Variants in KCNMA1 observed in about 807,000 individuals in gnomAD.
KCNMA1 encodes Calcium-activated potassium channel subunit alpha-1.
In KCNMA1, 29 loss-of-function variants were observed where a neutral mutation model predicts 140.0. The observed-to-expected ratio is 0.21, with a 90% CI of 0.15 to 0.28. KCNMA1 has a LOEUF of 0.28. KCNMA1 is among the 10% of genes least tolerant of loss of function. The pLI is 1.00. For synonymous variants in KCNMA1, 612 were observed against 611.9 expected (o/e 1.00, Z 0.00); for missense variants, 880 against 1,602.2 (o/e 0.55, Z 7.70).
At chr10:77,229,560 A>C (rs1480494031) in intron 3 of KCNMA1, among the ~76,000 whole-genome samples, 1 of 152,156 alleles carries the variant, frequency 6.6e-6, no homozygotes, top group Non-Finnish European at 1.5e-5. Flanking sequence ...GGATGGAGAA[A>C]CCAAGATTTG....
At chr10:77,519,594 A>G (rs1189054513) in intron 1 of KCNMA1, among the ~76,000 whole-genome samples, 1 of 152,208 alleles carries the variant, frequency 6.6e-6, no homozygotes, top group African/African-American at 2.4e-5. Flanking sequence ...ATCACGGCCA[A>G]GGTCACTCAG....
At chr10:77,188,805 C>T (rs1423760247) in intron 3 of KCNMA1, among the ~76,000 whole-genome samples, 1 of 152,152 alleles carries the variant, frequency 6.6e-6, no homozygotes, top group Non-Finnish European at 1.5e-5. Context: ...CTTTTCAGAG[C>T]ACAAGGCAAG....
intron 5 of KCNMA1, among the ~76,000 whole-genome samples, chr10:77,174,586 G>T (rs2098736897): frequency 6.6e-6 from 1 of 152,228 alleles, no homozygotes; most frequent in African/African-American, 2.4e-5. Flanking sequence ...GTGGCTAGGA[G>T]CTACCATACT....
At chr10:77,299,853 C>T (rs980688193) in intron 2 of KCNMA1, among the ~76,000 whole-genome samples, 1 of 152,188 alleles carries the variant, frequency 6.6e-6, no homozygotes, top group Non-Finnish European at 1.5e-5. Flanking sequence ...AGCTACAAGG[C>T]TCTCCAATTC....
At chr10:77,495,201 T>C (rs1410383607) in intron 1 of KCNMA1, among the ~76,000 whole-genome samples, 1 of 152,212 alleles carries the variant, frequency 6.6e-6, no homozygotes, top group Non-Finnish European at 1.5e-5. Context: ...ATTACTAATA[T>C]ACTGGAACAG....
At chr10:76,947,940 A>G (rs1205213978) in intron 22 of KCNMA1, among the ~76,000 whole-genome samples, 1 of 152,190 alleles carries the variant, frequency 6.6e-6, no homozygotes, top group African/African-American at 2.4e-5. Flanking sequence ...TTAGCTTTGT[A>G]AGTGGGGGAA....
At chr10:77,130,070 A>G (rs2097826036) in intron 5 of KCNMA1, among the ~76,000 whole-genome samples, 1 of 152,202 alleles carries the variant, frequency 6.6e-6, no homozygotes, top group Admixed American at 6.5e-5. Context: ...ACTAACTTAT[A>G]TTATAAAATA....
chr10:76,997,268 A>G (rs2084693074), intron 19 of KCNMA1, among the ~76,000 whole-genome samples: 1 of 152,230 alleles, frequency 6.6e-6, no homozygotes, highest in Non-Finnish European at 1.5e-5. Context: ...TATTATATTT[A>G]TACCCAAAAT....
At chr10:77,393,594 T>C (rs989576651) in intron 2 of KCNMA1, among the ~76,000 whole-genome samples, 1 of 151,698 alleles carries the variant, frequency 6.6e-6, no homozygotes, top group African/African-American at 2.4e-5. Flanking sequence ...GAGTCAGGAG[T>C]CTGCAGAGGC....
intron 1 of KCNMA1, among the ~76,000 whole-genome samples, chr10:77,513,012 T>C (rs970812222): frequency 6.6e-6 from 1 of 152,164 alleles, no homozygotes; most frequent in Non-Finnish European, 1.5e-5. Context: ...CACGCGTGGC[T>C]GCCTAAATTC....
intron 1 of KCNMA1, among the ~76,000 whole-genome samples, chr10:77,437,025 T>C (rs1432737613): frequency 6.7e-6 from 1 of 149,962 alleles, no homozygotes; most frequent in Non-Finnish European, 1.5e-5. Context: ...TCCACTTTAG[T>C]GGAGGGAAAA....
intron 17 of KCNMA1, 99 bp from the exon 18 acceptor site, chr10:77,012,142 G>A (rs759037187): frequency 1.9e-5 from 30 of 1,595,814 alleles, no homozygotes; most frequent in Admixed American, 6.9e-5. Context: ...AATGAAACAC[G>A]CCAGCATTAA....
intron 1 of KCNMA1, among the ~76,000 whole-genome samples, chr10:77,541,908 A>C (rs1260725917): frequency 6.6e-6 from 1 of 152,184 alleles, no homozygotes; most frequent in Non-Finnish European, 1.5e-5. Context: ...CACTAACTCA[A>C]GGGCAAGTTT....
intron 5 of KCNMA1, among the ~76,000 whole-genome samples, chr10:77,132,151 A>G (rs1430656608): frequency 6.6e-6 from 1 of 152,182 alleles, no homozygotes; most frequent in Non-Finnish European, 1.5e-5. Flanking sequence ...AAAAATATAA[A>G]GAGTTGTGAA....
rs192637384 is a variant in KCNMA1 at position 76,917,721 on chromosome 10, C to T, written c.2903-2672G>A. The stretch of plus-strand genomic sequence containing the variant: ...AAACTTCATGCCTCTTTTTGTTTCC[C>T]TACTTTTCTAGTCACACATTTTTAA... On this transcript the variant is annotated intron_variant, in intron 23 of 27. Coordinates refer to ENST00000286628, the MANE Select transcript of KCNMA1 (RefSeq NM_001161352.2). Among the ~76,000 whole-genome samples, 9 of 152,292 alleles carry T rather than the reference C, an allele frequency of 5.9e-5. No individual in the cohort carries two copies. The East Asian group carries it at 1.7e-3, about 29-fold the overall frequency.
intron 2 of KCNMA1, among the ~76,000 whole-genome samples, chr10:77,377,017 G>C (rs1566397052): frequency 6.9e-6 from 1 of 145,524 alleles, no homozygotes; most frequent in Non-Finnish European, 1.5e-5. Context: ...TTCAAATGAG[G>C]AGTGGGAACA....
rs186754757 is a variant in KCNMA1 at position 76,963,572 on chromosome 10, A to C, written c.2360+6402T>G. 7.2e-3 allele frequency among the ~76,000 whole-genome samples: 1,103 copies of C among 152,266 alleles called. 7 individuals carry two copies. Among genetic ancestry groups the C allele is most frequent in the Non-Finnish European group, 8.9e-3 (606 of 68,010 alleles). ...CTAGACAAGAGGGTGCCTAGGGTGC[A>C]AAATTGAAGGAGGCGCCTCACATTC... On this transcript the variant is annotated intron_variant, in intron 20 of 27. Transcript: ENST00000286628.
At chr10:77,399,558 G>T (rs2096191910) in intron 2 of KCNMA1, among the ~76,000 whole-genome samples, 1 of 152,144 alleles carries the variant, frequency 6.6e-6, no homozygotes, top group African/African-American at 2.4e-5. Context: ...GCTGTTTTTG[G>T]CCAGTTGAGC....
At chr10:77,538,311 C>G (rs1195270738) in intron 1 of KCNMA1, among the ~76,000 whole-genome samples, 1 of 152,144 alleles carries the variant, frequency 6.6e-6, no homozygotes, top group African/African-American at 2.4e-5. Context: ...ACACCCTACA[C>G]ATACCCATAC....
Sources: allele counts gnomAD v4.1 joint callset (sites outside exome capture counted in the v4.1 genomes callset), GRCh38; gene constraint gnomAD v4.1.1; transcripts MANE v1.5; gene names NCBI Gene and HGNC (gene_info 2026-07-23, HGNC 2026-07-21).